The following PIBF1 variants were observed in gnomAD, a reference collection of about 807,000 sequenced individuals.
The protein encoded by PIBF1 is progesterone immunomodulatory binding factor 1, also known as progesterone-induced-blocking factor 1.
In PIBF1, 90 loss-of-function variants were observed where a neutral mutation model predicts 112.5. The observed-to-expected ratio is 0.80, with a 90% CI of 0.67 to 0.95. PIBF1 has a LOEUF of 0.95. Among genes scored for constraint, PIBF1 ranks in the 40% least tolerant of loss-of-function variants. The pLI, the probability that PIBF1 is intolerant of heterozygous loss-of-function variation, is 0.00. For missense variants in PIBF1, 915 were observed against 852.3 expected, an observed-to-expected ratio of 1.07 and a Z score of -0.92; for synonymous variants, 301 against 288.6, an observed-to-expected ratio of 1.04 and a Z score of -0.44.
At chr13:72,847,929 A>G (rs2037946967) in intron 9 of PIBF1, among the ~76,000 whole-genome samples, 2 of 152,218 alleles carry the variant, frequency 1.3e-5, no homozygotes, top group African/African-American at 2.4e-5. Context: ...GAGATGATAA[A>G]TTCAAACACT....
At chr13:72,964,912 A>C (rs1399788961) in intron 14 of PIBF1, among the ~76,000 whole-genome samples, 1 of 152,138 alleles carries the variant, frequency 6.6e-6, no homozygotes, top group Non-Finnish European at 1.5e-5. Flanking sequence ...AATTACAAAA[A>C]TTAGTGGGGC....
intron 13 of PIBF1, among the ~76,000 whole-genome samples, chr13:72,927,968 T>TATATAC (rs1555316893): frequency 2.2e-4 from 27 of 122,456 alleles, no homozygotes; most frequent in African/African-American, 7.8e-4. Flanking sequence ...TACACATATA[T>TATATAC]ATATATATAC....
intron 7 of PIBF1, 70 bp from the exon 8 acceptor site, chr13:72,827,663 A>G (rs911364788): frequency 9.6e-6 from 9 of 941,286 alleles, no homozygotes; most frequent in Non-Finnish European, 1.3e-5. Flanking sequence ...AAGGAAAGAA[A>G]TTAATACAGT....
intron 9 of PIBF1, among the ~76,000 whole-genome samples, chr13:72,836,478 G>T (rs2037365735): frequency 6.6e-6 from 1 of 152,068 alleles, no homozygotes; most frequent in Admixed American, 6.6e-5. Context: ...AAAAAAAGCT[G>T]CTGTATTATA....
intron 14 of PIBF1, among the ~76,000 whole-genome samples, chr13:72,949,397 C>T (rs2042238751): frequency 7.0e-6 from 1 of 142,708 alleles, no homozygotes; most frequent in African/African-American, 2.6e-5. Flanking sequence ...CTCACTGCAA[C>T]CTCTGCCTCC....
At chr13:72,964,630 G>A (rs1212229642) in intron 14 of PIBF1, among the ~76,000 whole-genome samples, 4 of 152,074 alleles carry the variant, frequency 2.6e-5, no homozygotes, top group Non-Finnish European at 4.4e-5. Context: ...AAGTAAAGCT[G>A]AAATAAAAGA....
intron 14 of PIBF1, among the ~76,000 whole-genome samples, chr13:72,950,018 T>C (rs371040414): frequency 6.6e-6 from 1 of 152,216 alleles, no homozygotes; most frequent in Non-Finnish European, 1.5e-5. Flanking sequence ...TTGTCTACTA[T>C]GTGTAGGAGC....
At chr13:73,015,354 C>G (rs1287095607) in intron 17 of PIBF1, among the ~76,000 whole-genome samples, 1 of 152,182 alleles carries the variant, frequency 6.6e-6, no homozygotes, top group African/African-American at 2.4e-5. Context: ...ATTCACCTCC[C>G]CTGCCTTTTT....
chr13:72,862,007 A>G (rs1364763018), intron 10 of PIBF1, among the ~76,000 whole-genome samples: 1 of 152,204 alleles, frequency 6.6e-6, no homozygotes, highest in Non-Finnish European at 1.5e-5. Flanking sequence ...AAAAAAGAAT[A>G]AAGTGATGAA....
chr13:72,786,224 G>A (rs1330459811), intron 2 of PIBF1, among the ~76,000 whole-genome samples: 1 of 152,126 alleles, frequency 6.6e-6, no homozygotes, highest in Non-Finnish European at 1.5e-5. Flanking sequence ...ATGGTGCTTA[G>A]TGTAGTTTTT....
At chr13:72,930,434 T>C (rs1192393240) in intron 13 of PIBF1, among the ~76,000 whole-genome samples, 1 of 152,176 alleles carries the variant, frequency 6.6e-6, no homozygotes, top group Non-Finnish European at 1.5e-5. Flanking sequence ...TTCTCAAAAT[T>C]ATTAGCAGTT....
At chr13:72,881,603 C>G (rs2039637746) in intron 10 of PIBF1, among the ~76,000 whole-genome samples, 1 of 151,478 alleles carries the variant, frequency 6.6e-6, no homozygotes, top group African/African-American at 2.4e-5. Flanking sequence ...GTAATCCTAG[C>G]TACTTGGGAG....
intron 13 of PIBF1, among the ~76,000 whole-genome samples, chr13:72,928,016 C>CATATATATACATATATATAT (rs1157861793): frequency 9.3e-5 from 5 of 53,982 alleles, no homozygotes; most frequent in South Asian, 9.1e-4. Context: ...CATATATATA[C>CATATATATACATATATATAT]ATATATATAC....
At position 72,868,086 on chromosome 13, in the gene PIBF1, G is replaced by A. The variant is rs371063806; in HGVS notation, c.1322+13931G>A. 1.0e-3 allele frequency among the ~76,000 whole-genome samples: 153 copies of A among 152,186 alleles called. No individual in the cohort carries two copies. In the Middle Eastern group the frequency reaches 0.024, roughly 24 times the overall value. ...AGGCTGAGGCAGGAGGATTACTGGA[G>A]GCCAGGAGTTCAGGAACAGCCTGGC... On this transcript the variant is annotated intron_variant, in intron 10 of 17. Coordinates refer to ENST00000326291, the MANE Select transcript of PIBF1 (RefSeq NM_006346.4).
At position 72,987,866 on chromosome 13, in the gene PIBF1, T is replaced by TA. The variant is rs1260311198; in HGVS notation, c.2050-10956_2050-10955insA. Among the ~76,000 whole-genome samples the TA allele has an allele frequency of 1.0e-4, 10 of 98,146 alleles. 1 individual carries two copies. The highest frequency in any genetic ancestry group is 2.9e-4 in the Admixed American group (3 of 10,280). The allele number at this position is 98,146 out of a possible 152,430, so 64.4% of individuals were successfully genotyped here. On this transcript the variant is annotated intron_variant, in intron 16 of 17. Transcript: ENST00000326291. ...TATTTATTTATTTATTTATTTTTTT[T>TA]TTTTTTTTTTTTTTTGAGGCAGAGT...
chr13:72,987,051 CTTCT>C (rs2043313828), intron 16 of PIBF1, among the ~76,000 whole-genome samples: 1 of 152,188 alleles, frequency 6.6e-6, no homozygotes, highest in African/African-American at 2.4e-5. Context: ...CTAGTCAGTA[CTTCT>C]TTCTTTATTC....
intron 10 of PIBF1, among the ~76,000 whole-genome samples, chr13:72,885,792 T>C (rs1000631812): frequency 3.9e-5 from 6 of 152,146 alleles, no homozygotes; most frequent in African/African-American, 1.4e-4. Context: ...TGGTCCTCCC[T>C]GGTTAGGCTA....
intron 10 of PIBF1, among the ~76,000 whole-genome samples, chr13:72,883,731 G>A (rs1287714817): frequency 2.6e-5 from 4 of 152,194 alleles, no homozygotes; most frequent in East Asian, 3.9e-4. Flanking sequence ...CAAATAATCC[G>A]CCCACCTCAG....
intron 11 of PIBF1, 125 bp downstream of exon 11, chr13:72,894,074 A>AC (rs1223603917): frequency 2.1e-6 from 1 of 474,926 alleles, no homozygotes; most frequent in African/African-American, 2.0e-5. Context: ...AAAAAAAAAA[A>AC]AAAAACAAGG....
Sources: gnomAD v4.1 joint callset for allele counts (sites outside exome capture counted in the v4.1 genomes callset) on GRCh38, gnomAD v4.1.1 for gene constraint, MANE v1.5 for transcripts, NCBI Gene and HGNC (gene_info 2026-07-23, HGNC 2026-07-21) for gene names.